Variants in ACIN1 observed in about 807,000 individuals in gnomAD.
ACIN1 encodes the protein apoptotic chromatin condensation inducer in the nucleus.
A neutral mutation model predicts 146.6 loss-of-function variants in ACIN1; 16 were observed. That is an observed-to-expected ratio of 0.11 (90% CI 0.07 to 0.17). The LOEUF is 0.17. ACIN1 is among the 10% of genes least tolerant of loss of function. The pLI, the probability that ACIN1 is intolerant of heterozygous loss-of-function variation, is 1.00. For synonymous variants in ACIN1, 569 were observed against 582.7 expected, an observed-to-expected ratio of 0.98 and a Z score of 0.34; for missense variants, 1,357 against 1,609.3, an observed-to-expected ratio of 0.84 and a Z score of 2.68.
Position 23,093,504 on chromosome 14 carries a change from T to C in ACIN1, c.179A>G (p.His60Arg). The change falls in exon 2 of 19, where the codon CAT becomes CGT. Residue 60 changes from histidine to arginine, a missense_variant. His to Arg is a conservative substitution (Grantham distance 29). Coordinates refer to ENST00000605057, the MANE Select transcript of ACIN1 (RefSeq NM_001386863.1). The part of the protein sequence containing the change: ...LENLQKHSTP[H>R]AAFQPNSQIG... ...CTGGGAATTTGGCTGGAATGCAGCA[T>C]GGGGTGTTGAGTGTTTCTGTAAATT... 6.2e-7 allele frequency: 1 copy of C among 1,614,144 alleles called. No homozygotes were observed. Among genetic ancestry groups the C allele is most frequent in the Non-Finnish European group, 8.5e-7 (1 of 1,180,000 alleles).
At chr14:23,086,636 C>A (rs1246466029) in intron 4 of ACIN1, among the ~76,000 whole-genome samples, 1 of 152,068 alleles carries the variant, frequency 6.6e-6, no homozygotes, top group Admixed American at 6.6e-5. Context: ...CAGGCATGTG[C>A]CATCACAGTC....
chr14:23,063,982 T>C lies in ACIN1; in HGVS notation c.2595+123A>G, dbSNP rs566960306. 1.9e-5 allele frequency: 25 copies of C among 1,343,856 alleles called. No homozygotes were observed. In the East Asian group the frequency reaches 5.4e-4, roughly 29 times the overall value. The allele number at this position is 1,343,856 out of a possible 1,614,324, so 83.2% of individuals were successfully genotyped here. ...GTAGTCTGACCCCTGAAAGTGTCAG[T>C]CAACCCAACCCTCTGCACAGACAGG... On this transcript the variant is annotated intron_variant, in intron 12 of 18. Coordinates refer to ENST00000605057, the MANE Select transcript of ACIN1 (RefSeq NM_001386863.1).
At chr14:23,072,526 C>T (rs2047689337) in intron 8 of ACIN1, among the ~76,000 whole-genome samples, 1 of 152,112 alleles carries the variant, frequency 6.6e-6, no homozygotes, top group African/African-American at 2.4e-5. Context: ...CTTCACTAGA[C>T]CAAAGTGGGA....
upstream of ACIN1, chr14:23,095,163 A>G: frequency 6.2e-7 from 1 of 1,614,032 alleles, no homozygotes; most frequent in Non-Finnish European, 8.5e-7. Flanking sequence ...ATCTTCGGTA[A>G]TTTCCGCCAA....
chr14:23,087,951 T>C (rs922305000), intron 4 of ACIN1, among the ~76,000 whole-genome samples: 10 of 152,214 alleles, frequency 6.6e-5, no homozygotes, highest in African/African-American at 2.4e-4. Flanking sequence ...GCTCAAATCC[T>C]GTATCTCCTT....
intron 8 of ACIN1, chr14:23,071,075 G>T: frequency 6.6e-7 from 1 of 1,518,494 alleles, no homozygotes. Flanking sequence ...GAAGACGAAG[G>T]GAGCTAGGGC....
chr14:23,089,199 C>G (rs1278056712), intron 4 of ACIN1, among the ~76,000 whole-genome samples: 1 of 152,054 alleles, frequency 6.6e-6, no homozygotes, highest in Non-Finnish European at 1.5e-5. Flanking sequence ...TGCCACCATA[C>G]CCAGCTAATT....
chr14:23,073,272 C>T (rs535896619), intron 8 of ACIN1, among the ~76,000 whole-genome samples: 2 of 152,350 alleles, frequency 1.3e-5, no homozygotes, highest in African/African-American at 4.8e-5. Context: ...GGCCCCTAGC[C>T]CAGGGCCTAA....
At position 23,077,420 on chromosome 14, in the gene ACIN1, G is replaced by A. The variant is rs116291311; in HGVS notation, c.2123+731C>T. Among the ~76,000 whole-genome samples, 337 of 152,268 alleles carry A rather than the reference G, an allele frequency of 2.2e-3. 2 individuals carry two copies. Among genetic ancestry groups the A allele is most frequent in the African/African-American group, 7.9e-3 (329 of 41,540 alleles). ...GGCTTCATTTTTTCATTTCCCAGGA[G>A]ACTTTGAAGCCAGGAATTCTGGCTC... On this transcript the variant is annotated intron_variant, in intron 8 of 18. Coordinates refer to ENST00000605057, the MANE Select transcript of ACIN1 (RefSeq NM_001386863.1).
chr14:23,085,009 C>CA (rs1201599949), intron 4 of ACIN1, among the ~76,000 whole-genome samples: 1,571 of 145,864 alleles, frequency 0.011, 29 homozygotes, highest in African/African-American at 0.036. Flanking sequence ...TCACACACAC[C>CA]AAAAAAAAAA....
chr14:23,064,349 C>G lies in ACIN1; in HGVS notation c.2442+6G>C. 6 of 1,614,246 alleles carry G rather than the reference C, an allele frequency of 3.7e-6. No homozygotes were observed. The highest frequency in any genetic ancestry group is 5.1e-6 in the Non-Finnish European group (6 of 1,180,032). On this transcript the variant is annotated splice_donor_region_variant and intron_variant, in intron 11 of 18. Transcript: ENST00000605057. ...ATCCTCCCTTCCCTGGCTCCTCCCA[C>G]CTCACCTTTAGTGATTCAGTGGTGA...
chr14:23,075,604 A>AT (rs2140120759), intron 8 of ACIN1, among the ~76,000 whole-genome samples: 1 of 13,544 alleles, frequency 7.4e-5, no homozygotes, highest in Non-Finnish European at 1.8e-4. Context: ...CTTGAAGTCT[A>AT]ATTTTTTTTT....
chr14:23,093,550 A>T lies in ACIN1; in HGVS notation c.139-6T>A. ...AAATTTTCTAGCATTAGAGCCTGGT[A>T]TAGAGAAGGGTAAAAGTCAGAAATG... is the stretch of plus-strand genomic sequence containing the variant. On this transcript the variant is annotated splice_region_variant and splice_polypyrimidine_tract_variant and intron_variant, in intron 1 of 18. Coordinates refer to ENST00000605057, the MANE Select transcript of ACIN1 (RefSeq NM_001386863.1). 6.2e-7 allele frequency: 1 copy of T among 1,613,502 alleles called. No homozygotes were observed. The highest frequency in any genetic ancestry group is 8.5e-7 in the Non-Finnish European group (1 of 1,179,428).
Position 23,078,276 on chromosome 14 carries a change from G to A in ACIN1, c.2008-10C>T. The stretch of plus-strand genomic sequence containing the variant: ...ACTTCTTTGGGCTCCCCTGTCAGGA[G>A]ATAGCAAAAACGAACAGAGCAAAAC... On this transcript the variant is annotated splice_polypyrimidine_tract_variant and intron_variant, in intron 7 of 18. Transcript: ENST00000605057. 1.2e-6 allele frequency: 2 copies of A among 1,613,252 alleles called. No homozygotes were observed. The highest frequency in any genetic ancestry group is 2.2e-5 in the South Asian group (2 of 91,038).
At chr14:23,085,291 C>T (rs1222760447) in intron 4 of ACIN1, among the ~76,000 whole-genome samples, 5 of 152,118 alleles carry the variant, frequency 3.3e-5, no homozygotes, top group African/African-American at 9.7e-5. Context: ...GCAGAGATCG[C>T]GCCACTGCAC....
intron 2 of ACIN1, among the ~76,000 whole-genome samples, chr14:23,090,984 A>ATCC (rs1394915260): frequency 1.4e-4 from 22 of 152,284 alleles, no homozygotes; most frequent in African/African-American, 5.3e-4. Context: ...CCCTCACTGC[A>ATCC]ACCTCTGCCT....
At chr14:23,095,527 C>G (rs1031774164), upstream of ACIN1, 3 of 529,338 alleles carry the variant, frequency 5.7e-6, no homozygotes, top group Non-Finnish European at 9.9e-6. Context: ...GCTGGCCCAG[C>G]TTAGGGTTTT....
chr14:23,069,641 T>TGGGGGGTGTGGGGGG, intron 8 of ACIN1, 24 bp from the exon 9 acceptor site: 9 of 309,180 alleles, frequency 2.9e-5, no homozygotes, highest in African/African-American at 5.7e-5. Context: ...GGAGTGGTGG[T>TGGGGGGTGTGGGGGG]GGGGGGGCGG....
chr14:23,086,702 A>G (rs1009845567), intron 4 of ACIN1, among the ~76,000 whole-genome samples: 3 of 152,148 alleles, frequency 2.0e-5, no homozygotes. Context: ...GCTCAGGCCA[A>G]TCTCCTGGGA....
Sources: allele counts gnomAD v4.1 joint callset (sites outside exome capture counted in the v4.1 genomes callset), GRCh38; gene constraint gnomAD v4.1.1; transcripts MANE v1.5; gene names NCBI Gene and HGNC (gene_info 2026-07-23, HGNC 2026-07-21).